Variants in SKAP1 observed in about 807,000 individuals in gnomAD.
The protein encoded by SKAP1 is src kinase-associated phosphoprotein 1.
Under a neutral mutation model 58.5 loss-of-function variants are expected in SKAP1, and 44 were observed. That is an observed-to-expected ratio of 0.75 (90% CI 0.59 to 0.97). SKAP1 has a LOEUF of 0.97. SKAP1 is among the 50% of genes least tolerant of loss of function. SKAP1 has a pLI of 0.00. For missense variants in SKAP1, 390 were observed against 435.2 expected (o/e 0.90, Z 0.92); for synonymous variants, 127 against 149.7 (o/e 0.85, Z 1.11).
chr17:48,375,639 T>G (rs2067141075), intron 2 of SKAP1, among the ~76,000 whole-genome samples: 1 of 152,168 alleles, frequency 6.6e-6, no homozygotes, highest in South Asian at 2.1e-4. Context: ...TCCCCATACT[T>G]CCTCCATGTA....
intron 4 of SKAP1, among the ~76,000 whole-genome samples, chr17:48,207,359 G>A (rs2064822090): frequency 6.6e-6 from 1 of 151,902 alleles, no homozygotes; most frequent in African/African-American, 2.4e-5. Context: ...GGTGATGCAT[G>A]CTTGTAATCC....
At chr17:48,247,687 C>T (rs1314377304) in intron 4 of SKAP1, among the ~76,000 whole-genome samples, 4 of 152,044 alleles carry the variant, frequency 2.6e-5, no homozygotes, top group African/African-American at 7.3e-5. Context: ...ATTTTTTCAT[C>T]CTTTTTCCCC....
chr17:48,220,885 A>G (rs1027880699), intron 4 of SKAP1, among the ~76,000 whole-genome samples: 1 of 41,784 alleles, frequency 2.4e-5, no homozygotes, highest in African/African-American at 4.5e-5. Flanking sequence ...AAAGAAAAGA[A>G]AAAAAAAAGA....
chr17:48,170,676 T>C lies in SKAP1; in HGVS notation c.827-17A>G. 1 of 1,608,436 alleles carries C rather than the reference T, an allele frequency of 6.2e-7. No individual in the cohort carries two copies. Among genetic ancestry groups the C allele is most frequent in the South Asian group, 1.1e-5 (1 of 90,942 alleles). On this transcript the variant is annotated splice_polypyrimidine_tract_variant and intron_variant, in intron 9 of 12. Transcript: ENST00000336915. The stretch of plus-strand genomic sequence containing the variant: ...GCTCTTCATCTGGGGGGATAAATGA[T>C]CAGTATTAGCAATTAGTGGTTCACA...
intron 4 of SKAP1, among the ~76,000 whole-genome samples, chr17:48,201,481 A>G (rs1026321465): frequency 1.3e-5 from 2 of 152,010 alleles, no homozygotes; most frequent in African/African-American, 4.8e-5. Flanking sequence ...TCCTGGGTTC[A>G]AGCAACCCTC....
chr17:48,313,363 T>C (rs2066249373), intron 4 of SKAP1, among the ~76,000 whole-genome samples: 6 of 152,192 alleles, frequency 3.9e-5, no homozygotes, highest in Admixed American at 3.9e-4. Flanking sequence ...GAAGGCTAAA[T>C]GTGTGAACAG....
upstream of SKAP1, chr17:48,430,242 G>T: frequency 1.8e-6 from 1 of 553,848 alleles, no homozygotes; most frequent in Non-Finnish European, 2.4e-6. Context: ...CGCCCGCCCA[G>T]CCCGGCCGCG....
chr17:48,310,779 TA>T (rs199591685), intron 4 of SKAP1, among the ~76,000 whole-genome samples: 2,529 of 147,320 alleles, frequency 0.017, 24 homozygotes, highest in South Asian at 0.03. Context: ...TAAAGATGCT[TA>T]AAAAAAAAAA....
chr17:48,196,993 C>T (rs551318550), intron 4 of SKAP1, among the ~76,000 whole-genome samples: 7 of 152,218 alleles, frequency 4.6e-5, no homozygotes, highest in African/African-American at 1.7e-4. Context: ...GCGTGGTGGC[C>T]CACGCCTGTA....
chr17:48,256,667 A>G (rs2065426842), intron 4 of SKAP1, among the ~76,000 whole-genome samples: 1 of 152,084 alleles, frequency 6.6e-6, no homozygotes, highest in South Asian at 2.1e-4. Context: ...TGATCTGTTT[A>G]TCAGTGCTGA....
intron 1 of SKAP1, among the ~76,000 whole-genome samples, chr17:48,429,168 G>A (rs1360612556): frequency 2.0e-5 from 3 of 152,220 alleles, no homozygotes; most frequent in Admixed American, 6.5e-5. Context: ...ATGCCAAAAG[G>A]CTTAATTCTG....
intron 9 of SKAP1, among the ~76,000 whole-genome samples, chr17:48,178,726 T>C (rs917419390): frequency 6.6e-6 from 1 of 152,236 alleles, no homozygotes; most frequent in African/African-American, 2.4e-5. Flanking sequence ...TCTGTTTTTG[T>C]AAAACTTCAT....
chr17:48,267,167 C>T (rs1443208883), intron 4 of SKAP1, among the ~76,000 whole-genome samples: 1 of 152,050 alleles, frequency 6.6e-6, no homozygotes, highest in African/African-American at 2.4e-5. Flanking sequence ...GATAAATTTC[C>T]AACTTTTGAA....
chr17:48,301,330 G>T (rs2144128712), intron 4 of SKAP1, among the ~76,000 whole-genome samples: 1 of 152,122 alleles, frequency 6.6e-6, no homozygotes, highest in South Asian at 2.1e-4. Flanking sequence ...CTTCCCATCA[G>T]CCCAATATCC....
At chr17:48,189,925 G>A (rs1362060343) in intron 4 of SKAP1, among the ~76,000 whole-genome samples, 1 of 151,800 alleles carries the variant, frequency 6.6e-6, no homozygotes, top group Non-Finnish European at 1.5e-5. Flanking sequence ...TGATCCACCC[G>A]CCTCGGCCTC....
chr17:48,344,291 C>A (rs1284637686), intron 4 of SKAP1: 2 of 598,350 alleles, frequency 3.3e-6, no homozygotes, highest in African/African-American at 2.0e-5. Flanking sequence ...CTTTATAGTA[C>A]CCCTTCTTCT....
intron 2 of SKAP1, chr17:48,377,313 C>G (rs6504203): frequency 0.33 from 50,686 of 151,810 alleles, 9,154 homozygotes; most frequent in African/African-American, 0.47. Flanking sequence ...GAGACTCATG[C>G]CTATAATTCC....
chr17:48,280,274 G>A (rs980930271), intron 4 of SKAP1, among the ~76,000 whole-genome samples: 3 of 152,082 alleles, frequency 2.0e-5, no homozygotes, highest in African/African-American at 7.2e-5. Context: ...TTTGAGACCA[G>A]CATGGTACAA....
At chr17:48,281,853 A>G (rs1428625345) in intron 4 of SKAP1, among the ~76,000 whole-genome samples, 3 of 152,234 alleles carry the variant, frequency 2.0e-5, no homozygotes. Flanking sequence ...ATAAATATTA[A>G]TATTTACTAG....
Sources: gnomAD v4.1 joint callset for allele counts (sites outside exome capture counted in the v4.1 genomes callset) on GRCh38, gnomAD v4.1.1 for gene constraint, MANE v1.5 for transcripts, NCBI Gene and HGNC (gene_info 2026-07-23, HGNC 2026-07-21) for gene names.